VSTM5: variants seen among roughly 807,000 people sequenced by gnomAD.
The protein encoded by VSTM5 is V-set and transmembrane domain containing 5, also known as V-set and transmembrane domain-containing protein 5.
In VSTM5, 21 loss-of-function variants were observed where a neutral mutation model predicts 20.3. That is an observed-to-expected ratio of 1.03 (90% CI 0.73 to 1.49). The LOEUF (loss-of-function observed/expected upper bound fraction) is 1.49. Ranked by LOEUF, VSTM5 falls within the 40% of genes most tolerant of loss-of-function variation. VSTM5 has a pLI of 0.00. For synonymous variants in VSTM5, 100 were observed against 102.5 expected (o/e 0.98, Z 0.14); for missense variants, 219 against 250.0 (o/e 0.88, Z 0.84).
At chr11:93,825,142 A>G (rs636482) in intron 1 of VSTM5, among the ~76,000 whole-genome samples, 122,596 of 152,134 alleles carry the variant, frequency 0.81, 50,350 homozygotes, top group Admixed American at 0.9. Context: ...TTGGCTATTC[A>G]GGATCTTTTG....
intron 1 of VSTM5, among the ~76,000 whole-genome samples, chr11:93,837,133 G>A (rs1591401015): frequency 6.6e-6 from 1 of 152,230 alleles, no homozygotes; most frequent in South Asian, 2.1e-4. Context: ...CCAGGTTCAA[G>A]TGATTCTCCT....
chr11:93,839,239 G>C (rs541029844), intron 1 of VSTM5, among the ~76,000 whole-genome samples: 1 of 152,356 alleles, frequency 6.6e-6, no homozygotes, highest in Non-Finnish European at 1.5e-5. Flanking sequence ...ACAGTAAGTG[G>C]AACAGAGAAA....
chr11:93,826,099 G>C (rs1028792418), intron 1 of VSTM5, among the ~76,000 whole-genome samples: 38 of 152,096 alleles, frequency 2.5e-4, no homozygotes, highest in Admixed American at 2.1e-3. Context: ...AACTAGCCAG[G>C]TGTGGTGGTG....
chr11:93,841,436 C>T (rs898064398), intron 1 of VSTM5, among the ~76,000 whole-genome samples: 3 of 152,230 alleles, frequency 2.0e-5, no homozygotes, highest in African/African-American at 7.2e-5. Context: ...GGACAACTCA[C>T]TCAAGGCTTT....
chr11:93,820,995 A>T lies in VSTM5; in HGVS notation c.418+2T>A, dbSNP rs777608512. ...GGTGCCCGGGGCCCTGGGATGTCTT[A>T]CCAGAGACGTGCAGCACGATGGTGC... On this transcript the variant is annotated splice_donor_variant, in intron 2 of 3. Coordinates refer to ENST00000409977, the MANE Select transcript of VSTM5 (RefSeq NM_001144871.2). LOFTEE classifies it high-confidence loss of function. 6.4e-7 allele frequency: 1 copy of T among 1,551,372 alleles called. No homozygotes were observed. Among genetic ancestry groups the T allele is most frequent in the Non-Finnish European group, 8.7e-7 (1 of 1,146,868 alleles).
chr11:93,823,004 G>T (rs1191862040), intron 1 of VSTM5, among the ~76,000 whole-genome samples: 1 of 152,136 alleles, frequency 6.6e-6, no homozygotes, highest in Non-Finnish European at 1.5e-5. Context: ...TATCCTGGGA[G>T]ACTACCAGCC....
At position 93,841,492 on chromosome 11, in the gene VSTM5, C is replaced by T. The variant is rs939206886; in HGVS notation, c.91+8920G>A. 8.5e-5 allele frequency among the ~76,000 whole-genome samples: 13 copies of T among 152,218 alleles called. No homozygotes were observed. In the East Asian group the frequency reaches 9.6e-4, roughly 11 times the overall value. On this transcript the variant is annotated intron_variant, in intron 1 of 3. Coordinates refer to ENST00000409977, the MANE Select transcript of VSTM5 (RefSeq NM_001144871.2). ...GATGCTTCCTTCACCCTCTTCAAAACTCTAACACAGTGGTTCTCAGCATTT... is the reference window on the plus strand; with the variant it reads ...GATGCTTCCTTCACCCTCTTCAAAATTCTAACACAGTGGTTCTCAGCATTT...
intron 1 of VSTM5, among the ~76,000 whole-genome samples, chr11:93,849,371 G>A (rs1377416097): frequency 6.6e-6 from 1 of 152,162 alleles, no homozygotes; most frequent in East Asian, 1.9e-4. Context: ...TGCCCAGGCT[G>A]GTCTTGAACT....
chr11:93,836,376 A>T (rs902646578), intron 1 of VSTM5, among the ~76,000 whole-genome samples: 1 of 152,182 alleles, frequency 6.6e-6, no homozygotes, highest in African/African-American at 2.4e-5. Context: ...ATGAAGTCAA[A>T]CCCCTTCAAA....
In VSTM5 at chr11:93,850,492, A is replaced by T. The variant is rs1368817647; in HGVS notation, c.11T>A (p.Leu4Gln). 3 of 1,549,314 alleles carry T rather than the reference A, an allele frequency of 1.9e-6. No homozygotes were observed. Among genetic ancestry groups the T allele is most frequent in the Non-Finnish European group, 2.6e-6 (3 of 1,146,302 alleles). MRP[L>Q]PSGRRKTRGI... ...TCGGGTCTTCCTCCTCCCGCTGGGC[A>T]GAGGCCTCATGGGCGAGCCCGGGGC... Residue 4 changes from leucine (L) to glutamine (Q), a missense_variant, in exon 1 of 4, where the codon CTG (leucine) becomes CAG (glutamine). Coordinates refer to ENST00000409977, the MANE Select transcript of VSTM5 (RefSeq NM_001144871.2).
At chr11:93,846,148 G>T (rs1944408951) in intron 1 of VSTM5, among the ~76,000 whole-genome samples, 1 of 151,874 alleles carries the variant, frequency 6.6e-6, no homozygotes, top group South Asian at 2.1e-4. Context: ...GTGCCACTGT[G>T]CCCAGCTTCA....
chr11:93,841,327 C>A (rs772875549), intron 1 of VSTM5, among the ~76,000 whole-genome samples: 2 of 152,256 alleles, frequency 1.3e-5, no homozygotes, highest in Non-Finnish European at 2.9e-5. Context: ...TGCTTTCTTG[C>A]TGTAACAAAT....
At position 93,821,293 on chromosome 11, in the gene VSTM5, GC is replaced by G. The variant is rs1331748437; in HGVS notation, c.121del (p.Ala41ProfsTer72). On this transcript the variant is annotated frameshift_variant, in exon 2 of 4. Coordinates refer to ENST00000409977, the MANE Select transcript of VSTM5 (RefSeq NM_001144871.2). LOFTEE classifies it high-confidence loss of function. ...SQGVSLYIPQ[A>X]TINATVKEDI... Reference sequence around the variant, plus strand: ...TTCTTTGACAGTGGCATTGATGGTGGCCTGAGGAATGTATAGGGACACACCC... The same window carrying G: ...TTCTTTGACAGTGGCATTGATGGTGGCTGAGGAATGTATAGGGACACACCC... The G allele has an allele frequency of 2.6e-6, 4 of 1,551,734 alleles. No individual in the cohort carries two copies. Among genetic ancestry groups the G allele is most frequent in the Non-Finnish European group, 3.5e-6 (4 of 1,146,996 alleles).
chr11:93,821,181 G>T lies in VSTM5; in HGVS notation c.234C>A (p.Ile78=), dbSNP rs1336223792. 1 of 1,552,068 alleles carries T rather than the reference G, an allele frequency of 6.4e-7. No homozygotes were observed. Among genetic ancestry groups the T allele is most frequent in the South Asian group, 1.2e-5 (1 of 84,066 alleles). ...CCTGAGTCCCTGGTTTCCACTCCAC[G>T]ATCTTCTGCGTTCCCCAATTGGATG... ...TYSSNWGTQK[I]VEWKPGTQAN... is the part of the protein sequence containing the mutation. Residue 78 remains isoleucine (I), a synonymous_variant, in exon 2 of 4, where the codon ATC becomes ATA. Transcript: ENST00000409977.
At chr11:93,847,136 A>G (rs372854046) in intron 1 of VSTM5, among the ~76,000 whole-genome samples, 1 of 152,190 alleles carries the variant, frequency 6.6e-6, no homozygotes, top group Non-Finnish European at 1.5e-5. Flanking sequence ...TATGTATGCA[A>G]AAATATTTTT....
At chr11:93,831,931 C>T (rs1411911867) in intron 1 of VSTM5, among the ~76,000 whole-genome samples, 2 of 152,212 alleles carry the variant, frequency 1.3e-5, no homozygotes, top group Non-Finnish European at 2.9e-5. Context: ...GGAAGTTACT[C>T]TCAAACATTA....
rs879190588 is a variant in VSTM5, at chr11:93,818,507, T to G, written c.*2062A>C. 1 of 129,340 alleles carries G rather than the reference T, an allele frequency of 7.7e-6. No homozygotes were observed. Among genetic ancestry groups the G allele is most frequent in the South Asian group, 2.9e-4 (1 of 3,424 alleles). 8.0% of individuals were successfully genotyped at this position (129,340 alleles called of 1,614,324 possible). A position where few individuals can be genotyped will look rare whatever the true frequency, so the allele number is the denominator to read the frequency against. The stretch of plus-strand genomic sequence containing the variant: ...ACATTGTAACTTCCCACACTACTGA[T>G]GTGAATAAACTGTCATGAGATTTGG... On this transcript the variant is annotated 3_prime_UTR_variant, in exon 4 of 4. Coordinates refer to ENST00000409977, the MANE Select transcript of VSTM5 (RefSeq NM_001144871.2).
At chr11:93,837,805 A>T (rs7111581) in intron 1 of VSTM5, among the ~76,000 whole-genome samples, 148,993 of 152,234 alleles carry the variant, frequency 0.98, 72,959 homozygotes, top group East Asian at 0.99. Context: ...AGAAGATAAT[A>T]CATGGTGTGC....
chr11:93,837,567 T>C (rs929732169), intron 1 of VSTM5, among the ~76,000 whole-genome samples: 8 of 152,086 alleles, frequency 5.3e-5, no homozygotes, highest in Non-Finnish European at 1.2e-4. Flanking sequence ...GTTAATATCA[T>C]GACTTTGGCC....
Sources: gnomAD v4.1 joint callset for allele counts (sites outside exome capture counted in the v4.1 genomes callset) on GRCh38, gnomAD v4.1.1 for gene constraint, MANE v1.5 for transcripts, NCBI Gene and HGNC (gene_info 2026-07-23, HGNC 2026-07-21) for gene names.